ZNF385B: variants seen among roughly 807,000 people sequenced by gnomAD.
The protein encoded by ZNF385B is zinc finger protein 385B.
ZNF385B carries 23 observed loss-of-function variants against 39.2 expected under a neutral mutation model. The observed-to-expected ratio is 0.59, with a 90% CI of 0.42 to 0.83. ZNF385B has a LOEUF of 0.83. Among genes scored for constraint, ZNF385B ranks in the 40% least tolerant of loss-of-function variants. The pLI is 0.00. For synonymous variants in ZNF385B, 205 were observed against 222.6 expected (o/e 0.92, Z 0.70); for missense variants, 552 against 598.9 (o/e 0.92, Z 0.82).
chr2:179,587,460 C>T (rs903667244), intron 3 of ZNF385B, among the ~76,000 whole-genome samples: 1 of 152,148 alleles, frequency 6.6e-6, no homozygotes, highest in African/African-American at 2.4e-5. Flanking sequence ...TTGTCCTTTT[C>T]GTTCATGACC....
intron 1 of ZNF385B, among the ~76,000 whole-genome samples, chr2:179,781,255 T>C (rs1490855682): frequency 6.6e-6 from 1 of 152,144 alleles, no homozygotes; most frequent in Non-Finnish European, 1.5e-5. Flanking sequence ...ATTATGAGGC[T>C]CTATTAATTA....
intron 3 of ZNF385B, among the ~76,000 whole-genome samples, chr2:179,752,246 C>T (rs929854544): frequency 6.6e-6 from 1 of 152,158 alleles, no homozygotes; most frequent in Non-Finnish European, 1.5e-5. Flanking sequence ...CATCCATGTC[C>T]CTTCAAAGGA....
chr2:179,506,830 G>T (rs947805582), intron 5 of ZNF385B, among the ~76,000 whole-genome samples: 1 of 152,082 alleles, frequency 6.6e-6, no homozygotes, highest in Non-Finnish European at 1.5e-5. Flanking sequence ...GACCTGCAAT[G>T]GGAGTGTCAG....
At chr2:179,654,331 G>C (rs1693513270) in intron 3 of ZNF385B, among the ~76,000 whole-genome samples, 1 of 152,154 alleles carries the variant, frequency 6.6e-6, no homozygotes, top group Non-Finnish European at 1.5e-5. Flanking sequence ...CCAATGGTTA[G>C]AAGGAGTCTT....
In ZNF385B at chr2:179,651,438, A is replaced by C. The variant is rs186111004; in HGVS notation, c.299-106469T>G. Among the ~76,000 whole-genome samples the C allele has an allele frequency of 4.7e-3, 716 of 152,246 alleles. 6 individuals carry two copies. The highest frequency in any genetic ancestry group is 0.017 in the African/African-American group (689 of 41,548). ...ACTTTTTTAGATTAATAATTTGACA[A>C]ATGGCTTTACATTTAAAGGTCCTTC... On this transcript the variant is annotated intron_variant, in intron 3 of 9. Coordinates refer to ENST00000410066, the MANE Select transcript of ZNF385B (RefSeq NM_152520.6).
chr2:179,630,673 T>C (rs1691118518), intron 3 of ZNF385B, among the ~76,000 whole-genome samples: 1 of 152,194 alleles, frequency 6.6e-6, no homozygotes, highest in Non-Finnish European at 1.5e-5. Context: ...AAAAAGACTT[T>C]CATGAACTGA....
intron 3 of ZNF385B, among the ~76,000 whole-genome samples, chr2:179,564,827 G>T (rs548931132): frequency 3.0e-4 from 46 of 152,088 alleles, no homozygotes; most frequent in African/African-American, 9.2e-4. Flanking sequence ...GGCACCTCAA[G>T]TTCAACTTGT....
At position 179,852,924 on chromosome 2, in the gene ZNF385B, G is replaced by A. The variant is rs562431927; in HGVS notation, c.-155+8177C>T. On this transcript the variant is annotated intron_variant, in intron 1 of 9. Transcript: ENST00000410066. ...ACCAGCTTGATGACCACATGCATGG[G>A]AGAAAAGACCACTGTGCAAAAGAGG... is the stretch of plus-strand genomic sequence containing the variant. 2.7e-3 allele frequency among the ~76,000 whole-genome samples: 411 copies of A among 152,258 alleles called. 3 individuals carry two copies. The highest frequency in any genetic ancestry group is 9.5e-3 in the African/African-American group (396 of 41,562).
chr2:179,737,722 C>T (rs1317980917), intron 3 of ZNF385B, among the ~76,000 whole-genome samples: 1 of 152,134 alleles, frequency 6.6e-6, no homozygotes, highest in African/African-American at 2.4e-5. Flanking sequence ...TATGCAAAAA[C>T]CTTTATATAT....
intron 1 of ZNF385B, among the ~76,000 whole-genome samples, chr2:179,835,970 C>T (rs71425646): frequency 0.027 from 4,153 of 152,054 alleles, 92 homozygotes; most frequent in African/African-American, 0.054. Flanking sequence ...TATAAGTGAA[C>T]GGATAAATAA....
intron 3 of ZNF385B, among the ~76,000 whole-genome samples, chr2:179,558,141 TTCTATTTGAG>T: frequency 6.6e-6 from 1 of 152,270 alleles, no homozygotes; most frequent in Middle Eastern, 3.4e-3. Flanking sequence ...GCAACTGACC[TTCTATTTGAG>T]ATCAAAGCAG....
intron 3 of ZNF385B, among the ~76,000 whole-genome samples, chr2:179,751,684 G>A (rs1477656526): frequency 1.3e-5 from 2 of 151,952 alleles, no homozygotes; most frequent in Non-Finnish European, 2.9e-5. Flanking sequence ...AGAGGATCCT[G>A]GGGGCGTCAA....
At chr2:179,843,515 A>T (rs1708649490) in intron 1 of ZNF385B, among the ~76,000 whole-genome samples, 1 of 152,248 alleles carries the variant, frequency 6.6e-6, no homozygotes, top group Non-Finnish European at 1.5e-5. Context: ...TATTATCCAT[A>T]TACTTGTGAC....
chr2:179,786,328 G>C (rs971044678), intron 1 of ZNF385B, among the ~76,000 whole-genome samples: 3 of 151,976 alleles, frequency 2.0e-5, no homozygotes, highest in Admixed American at 2.0e-4. Context: ...TATTTTTAGA[G>C]TATATTTGTC....
At chr2:179,570,610 C>A (rs1415603291) in intron 3 of ZNF385B, among the ~76,000 whole-genome samples, 1 of 152,178 alleles carries the variant, frequency 6.6e-6, no homozygotes, top group Non-Finnish European at 1.5e-5. Context: ...AATGTTAGTT[C>A]TCTCTTTGTT....
chr2:179,460,150 G>C (rs1249548652), intron 6 of ZNF385B, among the ~76,000 whole-genome samples: 1 of 151,938 alleles, frequency 6.6e-6, no homozygotes. Context: ...ATGTCTCATA[G>C]TAGTAAGTGC....
chr2:179,793,072 A>G (rs554605197), intron 1 of ZNF385B, among the ~76,000 whole-genome samples: 19 of 152,220 alleles, frequency 1.2e-4, no homozygotes, highest in Non-Finnish European at 2.8e-4. Flanking sequence ...TATCTGGAAC[A>G]CATTTTGTCA....
At chr2:179,478,279 A>T (rs2053638800) in intron 6 of ZNF385B, among the ~76,000 whole-genome samples, 1 of 140,220 alleles carries the variant, frequency 7.1e-6, no homozygotes, top group African/African-American at 2.6e-5. Context: ...CTAGGTTGAA[A>T]GTTTTTGAGG....
rs182904062 is a variant in ZNF385B, at chr2:179,528,155, T to C, written c.442-9517A>G. Among the ~76,000 whole-genome samples the C allele has an allele frequency of 3.6e-3, 546 of 152,334 alleles. 3 individuals carry two copies. Among genetic ancestry groups the C allele is most frequent in the African/African-American group, 0.012 (516 of 41,582 alleles). ...CCAGACTCATACAAGTGGTAAAACC[T>C]GTAGACTAAGAGACACGCTCCTCAG... On this transcript the variant is annotated intron_variant, in intron 4 of 9. Coordinates refer to ENST00000410066, the MANE Select transcript of ZNF385B (RefSeq NM_152520.6).
Sources: allele counts gnomAD v4.1 joint callset (sites outside exome capture counted in the v4.1 genomes callset), GRCh38; gene constraint gnomAD v4.1.1; transcripts MANE v1.5; gene names NCBI Gene and HGNC (gene_info 2026-07-23, HGNC 2026-07-21).